ZIC2: variants seen among roughly 807,000 people sequenced by gnomAD.
ZIC2 encodes the protein Zic family zinc finger 2, also known as zinc finger protein ZIC 2.
ZIC2 carries 7 observed loss-of-function variants against 29.5 expected under a neutral mutation model. The ratio of observed to expected loss-of-function variants is 0.24; its 90% CI spans 0.14 to 0.45. The LOEUF is 0.45. Among genes scored for constraint, ZIC2 ranks in the 20% least tolerant of loss-of-function variants. The pLI is 1.00. For missense variants in ZIC2, 589 were observed against 781.2 expected, an observed-to-expected ratio of 0.75 and a Z score of 2.93; for synonymous variants, 408 against 354.2, an observed-to-expected ratio of 1.15 and a Z score of -1.70.
chr13:99,985,745 A>G lies in ZIC2; in HGVS notation c.*63A>G. On this transcript the variant is annotated 3_prime_UTR_variant, in exon 3 of 3. Transcript: ENST00000376335. The surrounding 1 kb of genome is among the most constrained non-coding windows in gnomAD (Gnocchi z 6.3). ...CAGCGCAGCAGCCCTCCCCGCAGCT[A>G]GCAGCGAGGGCACCTTGTGATCATG... 1 of 982,494 alleles carries G rather than the reference A, an allele frequency of 1.0e-6. No homozygotes were observed. Among genetic ancestry groups the G allele is most frequent in the Admixed American group, 3.1e-5 (1 of 32,360 alleles). 60.9% of individuals were successfully genotyped at this position (982,494 alleles called of 1,614,324 possible).
In ZIC2 at chr13:99,985,396, C is replaced by A. The variant is rs1426575160; in HGVS notation, c.1313C>A (p.Pro438Gln). The A allele has an allele frequency of 6.3e-7, 1 of 1,596,786 alleles. No homozygotes were observed. The highest frequency in any genetic ancestry group is 8.5e-7 in the Non-Finnish European group (1 of 1,178,768). ...TCCGGCTATGAGTCGTCCACGCCCC[C>A]GGGGCTGGTGTCCCCCAGCGCCGAG... is the stretch of plus-strand genomic sequence containing the variant. ...ASSGYESSTPPGLVSPSAEPQ... is the reference protein window; with the variant it reads ...ASSGYESSTPQGLVSPSAEPQ... Residue 438 changes from proline to glutamine, a missense_variant, in exon 3 of 3, where the codon CCG becomes CAG. By Grantham distance (76) the Pro-to-Gln change is moderately conservative (BLOSUM62 -1). Coordinates refer to ENST00000376335, the MANE Select transcript of ZIC2 (RefSeq NM_007129.5). The surrounding 1 kb of genome is among the most constrained non-coding windows in gnomAD (Gnocchi z 6.3).
Position 99,981,966 on chromosome 13 carries a change from T to A in ZIC2, c.-99T>A. 1 of 1,182,336 alleles carries A rather than the reference T, an allele frequency of 8.5e-7. No individual in the cohort carries two copies. Among genetic ancestry groups the A allele is most frequent in the Non-Finnish European group, 1.0e-6 (1 of 958,120 alleles). 73.2% of individuals were successfully genotyped at this position (1,182,336 alleles called of 1,614,324 possible). On this transcript the variant is annotated 5_prime_UTR_variant, in exon 1 of 3. Coordinates refer to ENST00000376335, the MANE Select transcript of ZIC2 (RefSeq NM_007129.5). ...GGCCGCCACCACCGCCGCCTGCGCC[T>A]GGAGCCCGGTGGCCGCCGGACGCAC...
chr13:99,984,883 C>A (rs983259108), intron 1 of ZIC2, 63 bp from the exon 2 acceptor site: 2 of 1,609,986 alleles, frequency 1.2e-6, no homozygotes, highest in East Asian at 2.2e-5. Context: ...CCCCTCGCAG[C>A]CTGAGTGGGG....
In ZIC2 at chr13:99,985,185, C is replaced by T. The variant is rs1259404175; in HGVS notation, c.1239+76C>T. ...CAGCACTGGCCCGGACCACCTCAGC[C>T]GGCCTGGGAGGGTCCCCAGGGGCCA... On this transcript the variant is annotated intron_variant, in intron 2 of 2. Transcript: ENST00000376335. The surrounding 1 kb of genome is among the most constrained non-coding windows in gnomAD (Gnocchi z 6.3). The T allele has an allele frequency of 1.9e-6, 3 of 1,609,894 alleles. No individual in the cohort carries two copies. The highest frequency in any genetic ancestry group is 2.2e-5 in the East Asian group (1 of 44,776).
Position 99,985,498 on chromosome 13 carries a change from C to G in ZIC2, c.1415C>G (p.Ser472Cys). ...AAAAAAAAAVSAVHRGGGSGS... is the reference protein window; with the variant it reads ...AAAAAAAAAVCAVHRGGGSGS... ...GCTGCGGCGGCGGCGGCCGCGGTGT[C>G]CGCGGTGCACCGGGGCGGAGGCTCG... is the stretch of plus-strand genomic sequence containing the variant. The change falls in exon 3 of 3, where the codon TCC (serine) becomes TGC (cysteine). Residue 472 changes from serine (S) to cysteine (C), a missense_variant. This residue lies in a region of ZIC2 where 135 missense variants were observed against 136.7 expected (regional missense o/e 0.99). Transcript: ENST00000376335. The surrounding 1 kb of genome is among the most constrained non-coding windows in gnomAD (Gnocchi z 6.3). 8.5e-7 allele frequency: 1 copy of G among 1,181,830 alleles called. No homozygotes were observed. Among genetic ancestry groups the G allele is most frequent in the Non-Finnish European group, 1.0e-6 (1 of 963,726 alleles). The allele number at this position is 1,181,830 out of a possible 1,614,324, so 73.2% of individuals were successfully genotyped here.
Position 99,986,224 on chromosome 13 carries a change from G to T in ZIC2, c.*542G>T, listed in dbSNP as rs1457541230. 3.0e-6 allele frequency: 1 copy of T among 329,506 alleles called. No individual in the cohort carries two copies. Among genetic ancestry groups the T allele is most frequent in the Non-Finnish European group, 5.9e-6 (1 of 170,220 alleles). The allele number at this position is 329,506 out of a possible 1,614,324, so 20.4% of individuals were successfully genotyped here. ...TTTTTAAGTAATGTGGAAGAAAATG[G>T]TTTATTTTGTATTGTGGTATTGAAT... is the stretch of plus-strand genomic sequence containing the variant. On this transcript the variant is annotated 3_prime_UTR_variant, in exon 3 of 3. Transcript: ENST00000376335.
chr13:99,986,636 T>A lies in ZIC2; in HGVS notation c.*954T>A, dbSNP rs760662121. 5.2e-5 allele frequency: 8 copies of A among 153,036 alleles called. No homozygotes were observed. Among genetic ancestry groups the A allele is most frequent in the Admixed American group, 3.9e-4 (6 of 15,346 alleles). The allele number at this position is 153,036 out of a possible 1,614,324, so 9.5% of individuals were successfully genotyped here. A position where few individuals can be genotyped will look rare whatever the true frequency, so the allele number is the denominator to read the frequency against. On this transcript the variant is annotated 3_prime_UTR_variant, in exon 3 of 3. Transcript: ENST00000376335. ...ATTTATAAAGAATGTTTCTTAACTATAAATATGTACAATTGTGGGCATAAA... is the reference window on the plus strand; with the variant it reads ...ATTTATAAAGAATGTTTCTTAACTAAAAATATGTACAATTGTGGGCATAAA...
chr13:99,983,061 T>C lies in ZIC2; in HGVS notation c.997T>C (p.Phe333Leu). 6.2e-7 allele frequency: 1 copy of C among 1,613,862 alleles called. No individual in the cohort carries two copies. Among genetic ancestry groups the C allele is most frequent in the Non-Finnish European group, 8.5e-7 (1 of 1,179,944 alleles). The change falls in exon 1 of 3, where the codon TTC becomes CTC. Residue 333 changes from phenylalanine (F) to leucine (L), a missense_variant. Phe to Leu is a conservative substitution (Grantham distance 22). This residue lies in a region of ZIC2 where 33 missense variants were observed against 106.0 expected (regional missense o/e 0.31). Transcript: ENST00000376335. The surrounding 1 kb of genome is among the most constrained non-coding windows in gnomAD (Gnocchi z 4.7). ...HIRVHTGEKP[F>L]PCPFPGCGKV... ...CCGCGTGCACACAGGCGAGAAACCC[T>C]TCCCCTGCCCCTTCCCGGGCTGTGG...
chr13:99,985,092 C>T lies in ZIC2; in HGVS notation c.1222C>T (p.Leu408=). The change falls in exon 2 of 3, where the codon CTG becomes TTG. Residue 408 remains leucine (L), a synonymous_variant. Coordinates refer to ENST00000376335, the MANE Select transcript of ZIC2 (RefSeq NM_007129.5). This position sits in a 1 kb window ranked among gnomAD's most constrained non-coding sequence, Gnocchi z 6.3. ...CDKSYTHPSS[L]RKHMKVHESS... ...CAAGTCCTACACGCACCCCAGCTCGCTGCGGAAGCACATGAAGGTACCACC... is the reference window on the plus strand; with the variant it reads ...CAAGTCCTACACGCACCCCAGCTCGTTGCGGAAGCACATGAAGGTACCACC... 6.2e-7 allele frequency: 1 copy of T among 1,614,106 alleles called. No homozygotes were observed. The highest frequency in any genetic ancestry group is 8.5e-7 in the Non-Finnish European group (1 of 1,179,960).
At position 99,982,709 on chromosome 13, in the gene ZIC2, C is replaced by T. The variant is rs765116227; in HGVS notation, c.645C>T (p.Gly215=). Residue 215 remains glycine, a synonymous_variant, in exon 1 of 3, where the codon GGC becomes GGT. Coordinates refer to ENST00000376335, the MANE Select transcript of ZIC2 (RefSeq NM_007129.5). ...CGGCGCAACTCCACAACCAGTACGG[C>T]CCCATGAATATGAACATGGGTATGA... The part of the protein sequence containing the change: ...YSAAQLHNQY[G]PMNMNMGMNM... The T allele has an allele frequency of 1.2e-6, 2 of 1,600,994 alleles. No homozygotes were observed. The highest frequency in any genetic ancestry group is 8.5e-7 in the Non-Finnish European group (1 of 1,179,892).
rs1270162869 is a variant in ZIC2, at chr13:99,985,976, A to G, written c.*294A>G. The G allele has an allele frequency of 4.6e-6, 2 of 430,918 alleles. No individual in the cohort carries two copies. Among genetic ancestry groups the G allele is most frequent in the Non-Finnish European group, 9.1e-6 (2 of 219,984 alleles). The allele number at this position is 430,918 out of a possible 1,614,324, so 26.7% of individuals were successfully genotyped here. ...AAATGTTGAACCAAACCTCCCTGCT[A>G]ATCTCCATGCCCACGTTCTTTCCCA... On this transcript the variant is annotated 3_prime_UTR_variant, in exon 3 of 3. Coordinates refer to ENST00000376335, the MANE Select transcript of ZIC2 (RefSeq NM_007129.5). This position sits in a 1 kb window ranked among gnomAD's most constrained non-coding sequence, Gnocchi z 6.3.
intron 1 of ZIC2, chr13:99,984,564 C>G: frequency 3.1e-6 from 1 of 326,052 alleles, no homozygotes; most frequent in Non-Finnish European, 6.0e-6. Context: ...AGCCCAGCAG[C>G]CTGTGTGATT....
chr13:99,985,072 C>T lies in ZIC2; in HGVS notation c.1202C>T (p.Ser401Phe). 1 of 1,614,148 alleles carries T rather than the reference C, an allele frequency of 6.2e-7. No individual in the cohort carries two copies. Among genetic ancestry groups the T allele is most frequent in the African/African-American group, 1.3e-5 (1 of 75,062 alleles). Reference sequence around the variant, plus strand: ...TATCTCTGCAAGATGTGCGACAAGTCCTACACGCACCCCAGCTCGCTGCGG... The same window carrying T: ...TATCTCTGCAAGATGTGCGACAAGTTCTACACGCACCCCAGCTCGCTGCGG... ...KPYLCKMCDKSYTHPSSLRKH... is the reference protein window; with the variant it reads ...KPYLCKMCDKFYTHPSSLRKH... The change falls in exon 2 of 3, where the codon TCC becomes TTC. Residue 401 changes from serine (S) to phenylalanine (F), a missense_variant. Coordinates refer to ENST00000376335, the MANE Select transcript of ZIC2 (RefSeq NM_007129.5). The surrounding 1 kb of genome is among the most constrained non-coding windows in gnomAD (Gnocchi z 6.3).
At position 99,982,753 on chromosome 13, in the gene ZIC2, CCCACCA is replaced by C. The variant is rs398124241; in HGVS notation, c.713_718del (p.His238_His239del). On this transcript the variant is annotated inframe_deletion, in exon 1 of 3. Coordinates refer to ENST00000376335, the MANE Select transcript of ZIC2 (RefSeq NM_007129.5). The stretch of plus-strand genomic sequence containing the variant: ...GGTATGAACATGGCAGCAGCCGCGG[CCCACCA>C]CCACCACCACCACCACCACCACCCC... The C allele has an allele frequency of 3.5e-5, 56 of 1,596,484 alleles. No homozygotes were observed. The highest frequency in any genetic ancestry group is 1.3e-4 in the Admixed American group (8 of 59,638).
chr13:99,985,460 AGCGGCGGCGGCGGCT>A lies in ZIC2; in HGVS notation c.1392_1406del (p.Ala466_Ala470del), dbSNP rs761822481. On this transcript the variant is annotated inframe_deletion, in exon 3 of 3. Coordinates refer to ENST00000376335, the MANE Select transcript of ZIC2 (RefSeq NM_007129.5). This position sits in a 1 kb window ranked among gnomAD's most constrained non-coding sequence, Gnocchi z 6.3. ...CCAACCTGTCCCCAGCGGCGGCGGC[AGCGGCGGCGGCGGCT>A]GCGGCGGCGGCGGCCGCGGTGTCCG... is the stretch of plus-strand genomic sequence containing the variant. 371 of 1,375,420 alleles carry A rather than the reference AGCGGCGGCGGCGGCT, an allele frequency of 2.7e-4. 12 individuals are homozygous for A. Among genetic ancestry groups the A allele is most frequent in the East Asian group, 5.8e-4 (20 of 34,714 alleles). 85.2% of individuals were successfully genotyped at this position (1,375,420 alleles called of 1,614,324 possible). A position where few individuals can be genotyped will look rare whatever the true frequency, so the allele number is the denominator to read the frequency against.
At position 99,982,774 on chromosome 13, in the gene ZIC2, A is replaced by G; in HGVS notation, c.710A>G (p.His237Arg). ...GCGGCCCACCACCACCACCACCACCACCACCACCCCGGTGCCTTTTTCCGC... is the reference window on the plus strand; with the variant it reads ...GCGGCCCACCACCACCACCACCACCGCCACCACCCCGGTGCCTTTTTCCGC... ...AAAAHHHHHH[H>R]HHPGAFFRYM... Residue 237 changes from histidine (H) to arginine (R), a missense_variant, in exon 1 of 3, where the codon CAC becomes CGC. This residue lies in a region of ZIC2 where 358 missense variants were observed against 382.0 expected (regional missense o/e 0.94). Transcript: ENST00000376335. 1 of 1,584,112 alleles carries G rather than the reference A, an allele frequency of 6.3e-7. No individual in the cohort carries two copies. Among genetic ancestry groups the G allele is most frequent in the Non-Finnish European group, 8.6e-7 (1 of 1,167,672 alleles).
Position 99,983,870 on chromosome 13 carries a change from C to T in ZIC2, c.1075+731C>T, listed in dbSNP as rs1338345205. On this transcript the variant is annotated intron_variant, in intron 1 of 2. Transcript: ENST00000376335. This position sits in a 1 kb window ranked among gnomAD's most constrained non-coding sequence, Gnocchi z 4.7. ...GAGAAGAGAGAGCCGCAAAAGAACG[C>T]GCCTCCCGCCTCATAGATTATTCAT... 6.6e-6 allele frequency among the ~76,000 whole-genome samples: 1 copy of T among 152,192 alleles called. No homozygotes were observed. The highest frequency in any genetic ancestry group is 2.4e-5 in the African/African-American group (1 of 41,448).
In ZIC2 at chr13:99,982,273, C is replaced by G. The variant is rs2053238053; in HGVS notation, c.209C>G (p.Ser70Cys). 6.7e-7 allele frequency: 1 copy of G among 1,498,944 alleles called. No homozygotes were observed. The allele number at this position is 1,498,944 out of a possible 1,614,324, so 92.9% of individuals were successfully genotyped here. A position where few individuals can be genotyped will look rare whatever the true frequency, so the allele number is the denominator to read the frequency against. ...CTCAACCCGGGCGCGCACGAGCTGTCCCCGGGCCAGAGCTCGGCGTTCACG... is the reference window on the plus strand; with the variant it reads ...CTCAACCCGGGCGCGCACGAGCTGTGCCCGGGCCAGAGCTCGGCGTTCACG... ...FKLNPGAHEL[S>C]PGQSSAFTSQ... is the part of the protein sequence containing the mutation. The change falls in exon 1 of 3, where the codon TCC becomes TGC. Residue 70 changes from serine to cysteine, a missense_variant. By Grantham distance (112) the Ser-to-Cys change is moderately radical. Around this residue, in one of 7 missense-constraint regions of ZIC2, gnomAD observed 358 missense variants for 382.0 expected, o/e 0.94. Coordinates refer to ENST00000376335, the MANE Select transcript of ZIC2 (RefSeq NM_007129.5).
At position 99,985,415 on chromosome 13, in the gene ZIC2, C is replaced by A. The variant is rs766867630; in HGVS notation, c.1332C>A (p.Ser444Arg). ...CGCCCCCGGGGCTGGTGTCCCCCAG[C>A]GCCGAGCCCCAGAGCAGCTCCAACC... ...SSTPPGLVSPSAEPQSSSNLS... is the reference protein window; with the variant it reads ...SSTPPGLVSPRAEPQSSSNLS... The change falls in exon 3 of 3, where the codon AGC (serine) becomes AGA (arginine). Residue 444 changes from serine to arginine, a missense_variant. Around this residue, in one of 7 missense-constraint regions of ZIC2, gnomAD observed 135 missense variants for 136.7 expected, o/e 0.99. Coordinates refer to ENST00000376335, the MANE Select transcript of ZIC2 (RefSeq NM_007129.5). This position sits in a 1 kb window ranked among gnomAD's most constrained non-coding sequence, Gnocchi z 6.3. 4.3e-5 allele frequency: 68 copies of A among 1,595,130 alleles called. No individual in the cohort carries two copies. The East Asian group carries it at 1.5e-3, about 36-fold the overall frequency.
Sources: gnomAD v4.1 joint callset for allele counts (sites outside exome capture counted in the v4.1 genomes callset) on GRCh38, gnomAD v4.1.1 for gene constraint, gnomAD v4.1.1 regional missense constraint, Gnocchi (gnomAD v3.1) non-coding constraint, MANE v1.5 for transcripts, NCBI Gene and HGNC (gene_info 2026-07-23, HGNC 2026-07-21) for gene names.